Variants in ATP8A2 observed in about 807,000 individuals in gnomAD.
The protein encoded by ATP8A2 is ATPase phospholipid transporting 8A2, also known as phospholipid-transporting ATPase IB.
Under a neutral mutation model 165.6 loss-of-function variants are expected in ATP8A2, and 100 were observed. That is an observed-to-expected ratio of 0.60 (90% CI 0.51 to 0.71). The LOEUF (loss-of-function observed/expected upper bound fraction) is 0.71. ATP8A2 is among the 30% of genes least tolerant of loss of function. The pLI is 0.00. For synonymous variants in ATP8A2, 543 were observed against 548.8 expected (o/e 0.99, Z 0.15); for missense variants, 1,227 against 1,479.5 (o/e 0.83, Z 2.80).
At chr13:25,902,723 T>C (rs530774121) in intron 33 of ATP8A2, among the ~76,000 whole-genome samples, 1 of 152,220 alleles carries the variant, frequency 6.6e-6, no homozygotes, top group East Asian at 1.9e-4. Context: ...AAGACTCAGG[T>C]CTTCATTCTC....
At chr13:25,808,684 C>T (rs1448063174) in intron 27 of ATP8A2, among the ~76,000 whole-genome samples, 1 of 152,044 alleles carries the variant, frequency 6.6e-6, no homozygotes, top group Non-Finnish European at 1.5e-5. Context: ...AACCTCCCAC[C>T]TCAGCCTCCC....
chr13:25,394,670 T>C (rs1055643715), intron 1 of ATP8A2, among the ~76,000 whole-genome samples: 1 of 152,192 alleles, frequency 6.6e-6, no homozygotes, highest in African/African-American at 2.4e-5. Context: ...AAGGGTTATT[T>C]TGAGCTGAAG....
At position 25,411,769 on chromosome 13, in the gene ATP8A2, A is replaced by T. The variant is rs969931832; in HGVS notation, c.76+39481A>T. Among the ~76,000 whole-genome samples, 4 of 152,250 alleles carry T rather than the reference A, an allele frequency of 2.6e-5. No homozygotes were observed. The South Asian group carries it at 8.3e-4, about 32-fold the overall frequency. Reference sequence around the variant, plus strand: ...TGGCCGATACTGGAAGGCAGCACACATAACTGTGAGTGCAATGTGATTGGA... The same window carrying T: ...TGGCCGATACTGGAAGGCAGCACACTTAACTGTGAGTGCAATGTGATTGGA... On this transcript the variant is annotated intron_variant, in intron 1 of 36. Coordinates refer to ENST00000381655, the MANE Select transcript of ATP8A2 (RefSeq NM_016529.6).
At chr13:25,787,437 C>T (rs572963917) in intron 27 of ATP8A2, among the ~76,000 whole-genome samples, 2 of 152,306 alleles carry the variant, frequency 1.3e-5, no homozygotes, top group South Asian at 4.1e-4. Context: ...ATGGGTGTTT[C>T]ACAGTTTATT....
chr13:25,967,617 C>T (rs1955808769), intron 34 of ATP8A2, among the ~76,000 whole-genome samples: 1 of 152,064 alleles, frequency 6.6e-6, no homozygotes, highest in Non-Finnish European at 1.5e-5. Flanking sequence ...TAAATTAAAC[C>T]GATGCAAAGC....
At chr13:25,553,427 T>C (rs2038884162) in intron 11 of ATP8A2, among the ~76,000 whole-genome samples, 1 of 152,332 alleles carries the variant, frequency 6.6e-6, no homozygotes, top group East Asian at 1.9e-4. Context: ...AGCTTGTAGG[T>C]GTTCCTTACA....
intron 24 of ATP8A2, among the ~76,000 whole-genome samples, chr13:25,633,211 C>T (rs1210094294): frequency 2.0e-5 from 3 of 152,066 alleles, no homozygotes; most frequent in Admixed American, 6.6e-5. Flanking sequence ...ATTGTTACTC[C>T]AATTGTGCAC....
At chr13:25,518,438 G>T (rs7324312) in intron 2 of ATP8A2, among the ~76,000 whole-genome samples, 98,597 of 152,026 alleles carry the variant, frequency 0.65, 33,074 homozygotes, top group Middle Eastern at 0.75. Context: ...AATTTGTTTT[G>T]CCATGGAATG....
intron 24 of ATP8A2, among the ~76,000 whole-genome samples, chr13:25,645,151 G>T (rs1177562859): frequency 1.3e-5 from 2 of 152,126 alleles, no homozygotes; most frequent in African/African-American, 4.8e-5. Context: ...GTTCCTCATG[G>T]CTGGGGAGGC....
intron 33 of ATP8A2, among the ~76,000 whole-genome samples, chr13:25,893,363 C>T (rs1322300538): frequency 4.0e-5 from 6 of 151,776 alleles, no homozygotes; most frequent in African/African-American, 1.5e-4. Flanking sequence ...ATCCATGTCC[C>T]TACAAAGGAC....
intron 2 of ATP8A2, among the ~76,000 whole-genome samples, chr13:25,489,064 C>T (rs117682260): frequency 2.1e-3 from 326 of 152,090 alleles, no homozygotes; most frequent in South Asian, 0.012. Context: ...ATGGCACTGG[C>T]GCTGGTTCAG....
intron 7 of ATP8A2, among the ~76,000 whole-genome samples, chr13:25,539,605 T>G (rs1242627483): frequency 6.6e-6 from 1 of 152,128 alleles, no homozygotes; most frequent in Non-Finnish European, 1.5e-5. Flanking sequence ...ACGGAGAGAC[T>G]AAACAATTTG....
intron 1 of ATP8A2, among the ~76,000 whole-genome samples, chr13:25,459,286 C>T (rs2035443239): frequency 6.6e-6 from 1 of 152,192 alleles, no homozygotes; most frequent in Non-Finnish European, 1.5e-5. Context: ...TTTTTCCCAG[C>T]TTTCTATACA....
intron 1 of ATP8A2, among the ~76,000 whole-genome samples, chr13:25,448,478 C>T (rs1181799081): frequency 6.6e-6 from 1 of 152,162 alleles, no homozygotes; most frequent in Non-Finnish European, 1.5e-5. Flanking sequence ...AATATTTAAT[C>T]TGCCCAAATA....
chr13:25,513,424 A>G (rs557318720), intron 2 of ATP8A2, among the ~76,000 whole-genome samples: 1 of 141,854 alleles, frequency 7.0e-6, no homozygotes, highest in Non-Finnish European at 1.6e-5. Flanking sequence ...GGCGCTCCTC[A>G]CTTCCTAGAT....
chr13:25,744,499 G>C (rs74037424), intron 25 of ATP8A2, among the ~76,000 whole-genome samples: 1,987 of 152,234 alleles, frequency 0.013, 40 homozygotes, highest in African/African-American at 0.044. Flanking sequence ...CGGGGGGAGG[G>C]GAGAACTTAA....
At chr13:25,725,896 C>T (rs1418658161) in intron 25 of ATP8A2, among the ~76,000 whole-genome samples, 3 of 152,146 alleles carry the variant, frequency 2.0e-5, no homozygotes, top group African/African-American at 7.2e-5. Context: ...TCATTCTGTA[C>T]TAGGAACTAT....
At chr13:25,585,934 A>G (rs1039318113) in intron 23 of ATP8A2, among the ~76,000 whole-genome samples, 4 of 152,336 alleles carry the variant, frequency 2.6e-5, no homozygotes, top group African/African-American at 9.6e-5. Flanking sequence ...TGAGTTAATT[A>G]TGAGACAAAT....
intron 24 of ATP8A2, among the ~76,000 whole-genome samples, chr13:25,602,106 T>C (rs916565627): frequency 6.6e-6 from 1 of 152,216 alleles, no homozygotes; most frequent in African/African-American, 2.4e-5. Flanking sequence ...TTTGTGTGTG[T>C]GAAGGTAGTA....
Sources: allele counts gnomAD v4.1 joint callset (sites outside exome capture counted in the v4.1 genomes callset), GRCh38; gene constraint gnomAD v4.1.1; transcripts MANE v1.5; gene names NCBI Gene and HGNC (gene_info 2026-07-23, HGNC 2026-07-21).